DENND1C: variants seen among roughly 807,000 people sequenced by gnomAD.
DENND1C encodes the protein DENN domain containing 1C, also known as DENN domain-containing protein 1C.
DENND1C carries 64 observed loss-of-function variants against 87.9 expected under a neutral mutation model. That is an observed-to-expected ratio of 0.73 (90% CI 0.60 to 0.90). The LOEUF (loss-of-function observed/expected upper bound fraction) is 0.90. DENND1C is among the 40% of genes least tolerant of loss of function. The pLI is 0.00. For synonymous variants in DENND1C, 384 were observed against 424.4 expected (o/e 0.90, Z 1.17); for missense variants, 980 against 1,037.0 (o/e 0.95, Z 0.76).
rs181644163 is a variant in DENND1C at position 6,468,285 on chromosome 19, G to C, written c.1740C>G (p.Ser580Arg). Residue 580 changes from serine (S) to arginine (R), a missense_variant, in exon 22 of 23, where the codon AGC (serine) becomes AGG (arginine). Coordinates refer to ENST00000381480, the MANE Select transcript of DENND1C (RefSeq NM_024898.4). ...CTCTGTGACAGCAGTCTAAACTCTG[G>C]CTCGGTCTCAGGCTGCCTGCGCTCT... is the stretch of plus-strand genomic sequence containing the variant. ...GAKSAGSLRPSQSLDCCHRGD... is the reference protein window; with the variant it reads ...GAKSAGSLRPRQSLDCCHRGD... The C allele has an allele frequency of 6.2e-7, 1 of 1,613,666 alleles. No homozygotes were observed. Among genetic ancestry groups the C allele is most frequent in the East Asian group, 2.2e-5 (1 of 44,870 alleles).
In DENND1C at chr19:6,468,372, C is replaced by G. The variant is rs374095311; in HGVS notation, c.1653G>C (p.Leu551Phe). The G allele has an allele frequency of 3.1e-6, 5 of 1,613,912 alleles. No homozygotes were observed. Among genetic ancestry groups the G allele is most frequent in the Non-Finnish European group, 4.2e-6 (5 of 1,179,864 alleles). Residue 551 changes from leucine to phenylalanine, a missense_variant, in exon 22 of 23, where the codon TTG becomes TTC. Leu to Phe is a conservative substitution (Grantham distance 22). Coordinates refer to ENST00000381480, the MANE Select transcript of DENND1C (RefSeq NM_024898.4). Reference protein sequence around the residue: ...WAEEALDSSFLGSGEELDLLS... With the variant: ...WAEEALDSSFFGSGEELDLLS... ...ACAAATCCAGTTCTTCTCCAGACCC[C>G]AAGAAGCTGCTGTCCAGAGCTTCTT...
Position 6,481,448 on chromosome 19 carries a change from A to C in DENND1C, c.17+231T>G, listed in dbSNP as rs3844450. Among the ~76,000 whole-genome samples, 104,582 of 150,886 alleles carry C rather than the reference A, an allele frequency of 0.69. 38,630 individuals are homozygous for C. Among genetic ancestry groups the C allele is most frequent in the Non-Finnish European group, 0.83 (56,320 of 67,878 alleles). Reference sequence around the variant, plus strand: ...ATGCATTCACAGAGCTATAGACATAATCACAGGAGCTGGATAGAGAGAGAG... The same window carrying C: ...ATGCATTCACAGAGCTATAGACATACTCACAGGAGCTGGATAGAGAGAGAG... On this transcript the variant is annotated intron_variant, in intron 1 of 22. Coordinates refer to ENST00000381480, the MANE Select transcript of DENND1C (RefSeq NM_024898.4).
At chr19:6,473,812 T>C (rs1029763041) in intron 14 of DENND1C, among the ~76,000 whole-genome samples, 1 of 47,838 alleles carries the variant, frequency 2.1e-5, no homozygotes, top group Non-Finnish European at 4.1e-5. Flanking sequence ...GGCGGGGGGG[T>C]GGGGGGAGGG....
At position 6,479,796 on chromosome 19, in the gene DENND1C, C is replaced by T; in HGVS notation, c.126+63G>A. ...TCCCTGGGCTCCAGGTCCAAGAAAC[C>T]AAGTCCCCTCCCCCTGGGAGACTGG... is the stretch of plus-strand genomic sequence containing the variant. On this transcript the variant is annotated intron_variant, in intron 3 of 22. Coordinates refer to ENST00000381480, the MANE Select transcript of DENND1C (RefSeq NM_024898.4). The T allele has an allele frequency of 1.9e-6, 3 of 1,613,806 alleles. 1 individual carries two copies. The South Asian group carries it at 3.3e-5, about 18-fold the overall frequency.
In DENND1C at chr19:6,467,300, C is replaced by T; in HGVS notation, c.*204G>A. On this transcript the variant is annotated 3_prime_UTR_variant, in exon 23 of 23. Transcript: ENST00000381480. ...AATGCCGAGAGGAATTGTAAGGTTG[C>T]CAGGATTCTAGAAGACCAGGAGGCT... is the stretch of plus-strand genomic sequence containing the variant. 1 of 638,426 alleles carries T rather than the reference C, an allele frequency of 1.6e-6. No homozygotes were observed. Among genetic ancestry groups the T allele is most frequent in the South Asian group, 3.7e-5 (1 of 26,940 alleles). The allele number at this position is 638,426 out of a possible 1,614,324, so 39.5% of individuals were successfully genotyped here.
Position 6,467,817 on chromosome 19 carries a change from T to C in DENND1C, c.2093A>G (p.Asn698Ser), listed in dbSNP as rs777005981. 6.5e-7 allele frequency: 1 copy of C among 1,542,182 alleles called. No homozygotes were observed. Among genetic ancestry groups the C allele is most frequent in the African/African-American group, 1.4e-5 (1 of 72,146 alleles). Residue 698 changes from asparagine to serine, a missense_variant, in exon 23 of 23, where the codon AAC (asparagine) becomes AGC (serine). Physicochemically the swap from Asn to Ser is conservative, Grantham distance 46. Transcript: ENST00000381480. ...TGCAGTGGAGAGCCAGGGAGTGGGG[T>C]TTTCCTGGGCTGTAGAATCTTCAGC... ...KAAEDSTAQE[N>S]PTPWLSTAPT...
chr19:6,475,699 C>T lies in DENND1C; in HGVS notation c.825+7G>A, dbSNP rs1373346017. 3.1e-6 allele frequency: 5 copies of T among 1,596,818 alleles called. No homozygotes were observed. Among genetic ancestry groups the T allele is most frequent in the African/African-American group, 1.3e-5 (1 of 74,646 alleles). On this transcript the variant is annotated splice_region_variant and intron_variant, in intron 12 of 22. Transcript: ENST00000381480. ...CGTCCCCGTCGTCTGGGTAGATCCACGCTCACCTCGGCGAGACTGGCGTGC... is the reference window on the plus strand; with the variant it reads ...CGTCCCCGTCGTCTGGGTAGATCCATGCTCACCTCGGCGAGACTGGCGTGC...
chr19:6,468,084 T>C lies in DENND1C; in HGVS notation c.1826A>G (p.Lys609Arg). ...NIPRWQPDDKKLPEPEPQPLS... is the reference protein window; with the variant it reads ...NIPRWQPDDKRLPEPEPQPLS... ...GGGCTGGGGCTCCGGCTCTGGTAGT[T>C]TCTTATCGTCTGGTTGCCATCTTGG... is the stretch of plus-strand genomic sequence containing the variant. The change falls in exon 23 of 23, where the codon AAA (lysine) becomes AGA (arginine). Residue 609 changes from lysine (K) to arginine (R), a missense_variant. Physicochemically the swap from Lys to Arg is conservative, Grantham distance 26. Coordinates refer to ENST00000381480, the MANE Select transcript of DENND1C (RefSeq NM_024898.4). 6.2e-7 allele frequency: 1 copy of C among 1,613,764 alleles called. No individual in the cohort carries two copies.
chr19:6,478,967 G>T lies in DENND1C; in HGVS notation c.266C>A (p.Ala89Glu). 6.2e-7 allele frequency: 1 copy of T among 1,613,768 alleles called. No individual in the cohort carries two copies. The highest frequency in any genetic ancestry group is 8.5e-7 in the Non-Finnish European group (1 of 1,179,824). The change falls in exon 5 of 23, where the codon GCG becomes GAG. Residue 89 changes from alanine to glutamate, a missense_variant. Physicochemically the swap from Ala to Glu is moderately radical, Grantham distance 107. Transcript: ENST00000381480. ...GATGCAGAGACAGCTCTGGGTACCCGCCCGCAGGCGGCAGAAACCAAATCT... is the reference window on the plus strand; with the variant it reads ...GATGCAGAGACAGCTCTGGGTACCCTCCCGCAGGCGGCAGAAACCAAATCT... Reference protein sequence around the residue: ...NRRFGFCRLRAGTQSCLCILS... With the variant: ...NRRFGFCRLREGTQSCLCILS...
intron 14 of DENND1C, among the ~76,000 whole-genome samples, chr19:6,474,237 C>T (rs1190307677): frequency 1.3e-5 from 2 of 151,182 alleles, no homozygotes; most frequent in Admixed American, 6.6e-5. Context: ...AGACTGCTTG[C>T]GGGGGAGTCC....
rs1230756238 is a variant in DENND1C, at chr19:6,481,682, G to A, written c.14C>T (p.Ala5Val). The stretch of plus-strand genomic sequence containing the variant: ...TGAGGGATGGGGTGGCTCTTACTCA[G>A]CTCTGGATTCCATGGTCCCTGCAGG... MESR[A>V]EGGSPAVFDW... is the part of the protein sequence containing the mutation. The change falls in exon 1 of 23, where the codon GCT becomes GTT. Residue 5 changes from alanine to valine, a missense_variant. Coordinates refer to ENST00000381480, the MANE Select transcript of DENND1C (RefSeq NM_024898.4). 2 of 1,606,268 alleles carry A rather than the reference G, an allele frequency of 1.2e-6. No individual in the cohort carries two copies. Among genetic ancestry groups the A allele is most frequent in the South Asian group, 2.2e-5 (2 of 90,298 alleles).
At chr19:6,469,681 A>T in intron 18 of DENND1C, 41 bp from the exon 19 acceptor site, 1 of 1,580,218 alleles carries the variant, frequency 6.3e-7, no homozygotes, top group Non-Finnish European at 8.6e-7. Flanking sequence ...GGGTGGTGGG[A>T]TCCTGGGCAT....
intron 14 of DENND1C, among the ~76,000 whole-genome samples, chr19:6,473,869 G>T (rs2092844251): frequency 6.6e-6 from 1 of 152,056 alleles, no homozygotes; most frequent in Non-Finnish European, 1.5e-5. Flanking sequence ...GCCACTGCAG[G>T]GAGGACAGAC....
At chr19:6,476,663 G>A (rs764989669) in intron 10 of DENND1C, 194 bp downstream of exon 10, 27 of 592,776 alleles carry the variant, frequency 4.6e-5, no homozygotes, top group Non-Finnish European at 7.4e-5. Context: ...CAAAAAGGAG[G>A]AGCTGCAGCG....
intron 17 of DENND1C, among the ~76,000 whole-genome samples, chr19:6,470,620 GT>G (rs35687922): frequency 4.5e-4 from 52 of 114,784 alleles, no homozygotes; most frequent in South Asian, 1.2e-3. Flanking sequence ...GTTTTTTTTT[GT>G]TTTTTTTTTT....
At chr19:6,476,664 A>C (rs767963501) in intron 10 of DENND1C, 193 bp downstream of exon 10, 12 of 591,366 alleles carry the variant, frequency 2.0e-5, no homozygotes, top group Non-Finnish European at 3.2e-5. Flanking sequence ...AAAAAGGAGG[A>C]GCTGCAGCGC....
intron 4 of DENND1C, among the ~76,000 whole-genome samples, chr19:6,479,359 AGTTTCTG>A (rs2092884310): frequency 2.2e-5 from 3 of 137,932 alleles, no homozygotes; most frequent in African/African-American, 9.5e-5. Context: ...CTGGTCCCTG[AGTTTCTG>A]AGTCTCTGGG....
At chr19:6,473,455 G>GTTTTT (rs1568396646) in intron 14 of DENND1C, among the ~76,000 whole-genome samples, 1 of 135,584 alleles carries the variant, frequency 7.4e-6, no homozygotes, top group African/African-American at 2.8e-5. Flanking sequence ...GCCCAGCCCT[G>GTTTTT]GTTTTTTTTT....
rs1020933013 is a variant in DENND1C at position 6,472,500 on chromosome 19, C to T, written c.1158+389G>A. On this transcript the variant is annotated intron_variant, in intron 15 of 22. Transcript: ENST00000381480. ...CTGCCTCCCGGGTTCAAACGATTCT[C>T]CTGCCTCAGCCTCCTGAGTAGCTGG... Among the ~76,000 whole-genome samples, 19 of 152,292 alleles carry T rather than the reference C, an allele frequency of 1.2e-4. 5 individuals are homozygous for T. Among genetic ancestry groups the T allele is most frequent in the Admixed American group, 6.5e-5 (1 of 15,294 alleles).
Sources: allele counts gnomAD v4.1 joint callset (sites outside exome capture counted in the v4.1 genomes callset), GRCh38; gene constraint gnomAD v4.1.1; transcripts MANE v1.5; gene names NCBI Gene and HGNC (gene_info 2026-07-23, HGNC 2026-07-21).